The following CHD1L variants were observed in gnomAD, a reference collection of about 807,000 sequenced individuals.
CHD1L encodes the protein ATP-dependent chromatin remodeler CHD1L.
A neutral mutation model predicts 115.9 loss-of-function variants in CHD1L; 118 were observed. The ratio of observed to expected loss-of-function variants is 1.02; its 90% CI spans 0.88 to 1.19. The LOEUF is 1.19. CHD1L is among the 50% of genes most tolerant of loss of function. CHD1L has a pLI of 0.00. For missense variants in CHD1L, 1,179 were observed against 1,065.3 expected, an observed-to-expected ratio of 1.11 and a Z score of -1.49; for synonymous variants, 411 against 387.1, an observed-to-expected ratio of 1.06 and a Z score of -0.72.
At chr1:147,206,618 A>G in the CHD1L span, among the ~76,000 whole-genome samples, 1 of 152,208 alleles carries the variant, frequency 6.6e-6, no homozygotes, top group Admixed American at 6.5e-5. Context: ...TTGTAGAGAC[A>G]TGGATGAAGC....
chr1:147,259,899 T>A lies in CHD1L; in HGVS notation c.557T>A (p.Leu186Gln). 1 of 1,613,704 alleles carries A rather than the reference T, an allele frequency of 6.2e-7. No individual in the cohort carries two copies. Among genetic ancestry groups the A allele is most frequent in the Non-Finnish European group, 8.5e-7 (1 of 1,179,650 alleles). ...AHRLKNQSSL[L>Q]HKTLSEFSVV... ...AGGTTGAAAAACCAAAGCTCCCTGCTGCATAAGACCTTGTCAGAGGTAAAC... is the reference window on the plus strand; with the variant it reads ...AGGTTGAAAAACCAAAGCTCCCTGCAGCATAAGACCTTGTCAGAGGTAAAC... Residue 186 changes from leucine to glutamine, a missense_variant, in exon 6 of 23, where the codon CTG (leucine) becomes CAG (glutamine). Physicochemically the swap from Leu to Gln is moderately radical, Grantham distance 113 (BLOSUM62 -2). Coordinates refer to ENST00000369258, the MANE Select transcript of CHD1L (RefSeq NM_004284.6).
At chr1:147,224,868 T>C in the CHD1L span, 1 of 1,609,138 alleles carries the variant, frequency 6.2e-7, no homozygotes, top group Non-Finnish European at 8.5e-7. Context: ...GGGTTTCAAG[T>C]ATTAAGGGAC....
intron 6 of CHD1L, among the ~76,000 whole-genome samples, chr1:147,263,874 G>T (rs1571828656): frequency 6.6e-6 from 1 of 151,884 alleles, no homozygotes; most frequent in Non-Finnish European, 1.5e-5. Context: ...TTCCATTTAA[G>T]ATTCTCTGTG....
chr1:147,191,472 T>A, the CHD1L span, among the ~76,000 whole-genome samples: 1 of 152,156 alleles, frequency 6.6e-6, no homozygotes, highest in African/African-American at 2.4e-5. Flanking sequence ...TTTGGCTGCA[T>A]AAATGTCTTC....
chr1:147,190,111 C>A, the CHD1L span: 554 of 1,101,266 alleles, frequency 5.0e-4, 8 homozygotes, highest in Middle Eastern at 6.0e-3. Context: ...AAATACAGTA[C>A]AATATTTCTT....
intron 15 of CHD1L, among the ~76,000 whole-genome samples, chr1:147,283,118 G>A (rs993877476): frequency 2.6e-5 from 4 of 152,172 alleles, no homozygotes; most frequent in Non-Finnish European, 5.9e-5. Context: ...ATGGTTGGAA[G>A]TTGAGAATTG....
upstream of CHD1L, chr1:147,242,520 CAAGAACTGCCTGTCCGG>C (rs1665017631): frequency 1.8e-6 from 1 of 554,730 alleles, no homozygotes; most frequent in Non-Finnish European, 2.7e-6. Context: ...CTCCGCACTG[CAAGAACTGCCTGTCCGG>C]AAGGGTGACT....
At chr1:147,191,137 T>C in the CHD1L span, among the ~76,000 whole-genome samples, 1 of 152,178 alleles carries the variant, frequency 6.6e-6, no homozygotes, top group Non-Finnish European at 1.5e-5. Flanking sequence ...AGTGCCGCAA[T>C]AAACATACGT....
chr1:147,291,340 T>A (rs1685453514), intron 19 of CHD1L, 142 bp from the exon 20 acceptor site: 1 of 676,470 alleles, frequency 1.5e-6, no homozygotes, highest in Admixed American at 2.4e-5. Context: ...AGAGGTTGAC[T>A]GAGGCCAGGA....
chr1:147,198,731 G>T, the CHD1L span, among the ~76,000 whole-genome samples: 1 of 151,574 alleles, frequency 6.6e-6, no homozygotes, highest in Admixed American at 6.6e-5. Context: ...GGCGCCTGTA[G>T]TCCCAGCTAC....
At chr1:147,264,667 A>G in intron 7 of CHD1L, 83 bp downstream of exon 7, 4 of 1,447,404 alleles carry the variant, frequency 2.8e-6, no homozygotes, top group African/African-American at 1.4e-5. Context: ...GGTAGAAAAG[A>G]AGGAGAATTG....
intron 21 of CHD1L, among the ~76,000 whole-genome samples, 175 bp downstream of exon 21, chr1:147,293,897 A>G (rs1553973581): frequency 4.6e-5 from 7 of 151,860 alleles, no homozygotes; most frequent in Non-Finnish European, 1.0e-4. Context: ...CCTTTCCAAA[A>G]CACTTTTAAT....
At chr1:147,174,423 G>T in the CHD1L span, 2 of 152,302 alleles carry the variant, frequency 1.3e-5, no homozygotes, top group East Asian at 3.9e-4. Flanking sequence ...TTTCCTTGCA[G>T]TAGTCAAATC....
intron 8 of CHD1L, 22 bp downstream of exon 8, chr1:147,266,109 A>G: frequency 1.3e-6 from 2 of 1,591,178 alleles, no homozygotes; most frequent in Admixed American, 1.8e-5. Context: ...GCACTTGTCC[A>G]TTTAGAAACT....
At chr1:147,233,627 T>G in the CHD1L span, among the ~76,000 whole-genome samples, 1 of 152,142 alleles carries the variant, frequency 6.6e-6, no homozygotes. Flanking sequence ...CAGGCCATGA[T>G]GACAATGGCG....
chr1:147,235,562 C>T, the CHD1L span, among the ~76,000 whole-genome samples: 1 of 152,054 alleles, frequency 6.6e-6, no homozygotes, highest in African/African-American at 2.4e-5. Context: ...CCCCTTGCAT[C>T]AAAGTTATAA....
intron 20 of CHD1L, 135 bp downstream of exon 20, chr1:147,291,687 A>G: frequency 1.5e-6 from 1 of 686,772 alleles, no homozygotes; most frequent in South Asian, 1.7e-5. Context: ...GACACAGACT[A>G]GGTAGCTTAA....
At chr1:147,238,127 A>G (rs1389860940), upstream of CHD1L, among the ~76,000 whole-genome samples, 3 of 152,216 alleles carry the variant, frequency 2.0e-5, no homozygotes, top group Non-Finnish European at 2.9e-5. Flanking sequence ...TGGCATCAAA[A>G]GTCAAAACAC....
the CHD1L span, chr1:147,201,548 G>A: frequency 1.3e-6 from 2 of 1,491,024 alleles, no homozygotes; most frequent in South Asian, 2.4e-5. Flanking sequence ...GAGAGAAAGA[G>A]AAATCAGTAC....
Sources: gnomAD v4.1 joint callset for allele counts (sites outside exome capture counted in the v4.1 genomes callset) on GRCh38, gnomAD v4.1.1 for gene constraint, MANE v1.5 for transcripts, NCBI Gene and HGNC (gene_info 2026-07-23, HGNC 2026-07-21) for gene names.